The following SAMD7 variants were observed in gnomAD, a reference collection of about 807,000 sequenced individuals.
SAMD7 encodes the protein sterile alpha motif domain-containing protein 7.
SAMD7 carries 34 observed loss-of-function variants against 36.7 expected under a neutral mutation model. That is an observed-to-expected ratio of 0.93 (90% CI 0.71 to 1.23). The LOEUF (loss-of-function observed/expected upper bound fraction) is 1.23. Among genes scored for constraint, SAMD7 ranks in the 50% most tolerant of loss-of-function variants. The pLI, the probability that SAMD7 is intolerant of heterozygous loss-of-function variation, is 0.00. For missense variants in SAMD7, 570 were observed against 546.6 expected, an observed-to-expected ratio of 1.04 and a Z score of -0.43; for synonymous variants, 188 against 189.7, an observed-to-expected ratio of 0.99 and a Z score of 0.07.
chr3:169,924,517 G>C (rs1180654153), intron 4 of SAMD7, among the ~76,000 whole-genome samples: 1 of 152,230 alleles, frequency 6.6e-6, no homozygotes, highest in African/African-American at 2.4e-5. Flanking sequence ...AACCTGGGAG[G>C]TAGAGGTTGT....
chr3:169,931,098 T>C (rs1713473968), intron 7 of SAMD7, among the ~76,000 whole-genome samples: 1 of 152,170 alleles, frequency 6.6e-6, no homozygotes, highest in Admixed American at 6.5e-5. Flanking sequence ...CTCTTTTAAA[T>C]AGGTGTAGAG....
chr3:169,919,445 T>C lies in SAMD7; in HGVS notation c.-41-13T>C, dbSNP rs760720227. On this transcript the variant is annotated splice_polypyrimidine_tract_variant and intron_variant, in intron 2 of 8. Coordinates refer to ENST00000335556, the MANE Select transcript of SAMD7 (RefSeq NM_001304366.2). ...AGAGTTATTTGTTAAAGTGTCTATCTGGTTCTTTTTAGAACTCCATTAGTG... is the reference window on the plus strand; with the variant it reads ...AGAGTTATTTGTTAAAGTGTCTATCCGGTTCTTTTTAGAACTCCATTAGTG... 9.8e-6 allele frequency: 13 copies of C among 1,320,828 alleles called. No individual in the cohort carries two copies. Among genetic ancestry groups the C allele is most frequent in the Admixed American group, 1.7e-5 (1 of 59,588 alleles). 81.8% of individuals were successfully genotyped at this position (1,320,828 alleles called of 1,614,324 possible).
At chr3:169,932,514 T>C in intron 7 of SAMD7, 2 of 564,098 alleles carry the variant, frequency 3.5e-6, no homozygotes, top group South Asian at 3.0e-5. Flanking sequence ...GGCAGATCCG[T>C]TCATCTTCAG....
chr3:169,931,711 C>A (rs1713501127), intron 7 of SAMD7, among the ~76,000 whole-genome samples: 1 of 152,122 alleles, frequency 6.6e-6, no homozygotes, highest in South Asian at 2.1e-4. Context: ...GGACGGCTGG[C>A]TCAGCGCTGA....
At chr3:169,924,273 G>A (rs748193781) in intron 4 of SAMD7, among the ~76,000 whole-genome samples, 3 of 151,932 alleles carry the variant, frequency 2.0e-5, no homozygotes, top group Middle Eastern at 3.4e-3. Context: ...CACTTTACTT[G>A]CTTGGTGCAA....
intron 1 of SAMD7, 28 bp from the exon 2 acceptor site, chr3:169,915,339 A>G (rs1277765534): frequency 2.6e-5 from 4 of 152,072 alleles, no homozygotes; most frequent in Non-Finnish European, 5.9e-5. Flanking sequence ...CTCCCAAATA[A>G]ACTACTGTAC....
intron 2 of SAMD7, among the ~76,000 whole-genome samples, chr3:169,916,619 G>A (rs1712814167): frequency 6.6e-6 from 1 of 152,192 alleles, no homozygotes; most frequent in African/African-American, 2.4e-5. Context: ...TTGCACTCCA[G>A]CCTGGGCAAG....
At chr3:169,933,078 A>T in intron 7 of SAMD7, 1 of 906,314 alleles carries the variant, frequency 1.1e-6, no homozygotes, top group Non-Finnish European at 1.8e-6. Context: ...AAAATCTGCC[A>T]TGGCCCATGA....
At chr3:169,920,580 A>G (rs1713002587) in intron 3 of SAMD7, among the ~76,000 whole-genome samples, 1 of 152,190 alleles carries the variant, frequency 6.6e-6, no homozygotes, top group Non-Finnish European at 1.5e-5. Flanking sequence ...GGTACCCTGG[A>G]TTTCCCGTGA....
At chr3:169,930,541 A>G (rs1289881363) in intron 7 of SAMD7, among the ~76,000 whole-genome samples, 1 of 149,132 alleles carries the variant, frequency 6.7e-6, no homozygotes, top group Non-Finnish European at 1.5e-5. Context: ...ATGTCCCATC[A>G]GGTGTTACTC....
chr3:169,912,163 G>T (rs975941615), intron 1 of SAMD7, among the ~76,000 whole-genome samples: 2 of 152,078 alleles, frequency 1.3e-5, no homozygotes, highest in African/African-American at 4.8e-5. Context: ...TCAAACAGAT[G>T]AAGTACCTAC....
intron 4 of SAMD7, among the ~76,000 whole-genome samples, chr3:169,922,653 C>T (rs1040947418): frequency 2.0e-5 from 3 of 152,178 alleles, no homozygotes; most frequent in African/African-American, 7.2e-5. Flanking sequence ...GTGTGCGCCA[C>T]CACACCCGGC....
chr3:169,927,484 C>A (rs995575218), intron 6 of SAMD7, among the ~76,000 whole-genome samples: 1 of 151,530 alleles, frequency 6.6e-6, no homozygotes, highest in Non-Finnish European at 1.5e-5. Context: ...TTTATTAGAG[C>A]CGGGGTTTCA....
chr3:169,916,042 G>A (rs1226611374), intron 2 of SAMD7, among the ~76,000 whole-genome samples: 1 of 64,740 alleles, frequency 1.5e-5, no homozygotes, highest in Non-Finnish European at 2.8e-5. Flanking sequence ...AAGTTTTCTT[G>A]TGTCCCTTTG....
intron 1 of SAMD7, among the ~76,000 whole-genome samples, chr3:169,912,146 A>G (rs1357792747): frequency 6.6e-6 from 1 of 152,212 alleles, no homozygotes; most frequent in Non-Finnish European, 1.5e-5. Context: ...CTGTAGTTTT[A>G]TTATCTTCAA....
At chr3:169,913,281 A>G (rs939436982) in intron 1 of SAMD7, among the ~76,000 whole-genome samples, 1 of 152,216 alleles carries the variant, frequency 6.6e-6, no homozygotes, top group Non-Finnish European at 1.5e-5. Flanking sequence ...AGTCAAATAT[A>G]GGGTTTTCCA....
intron 8 of SAMD7, among the ~76,000 whole-genome samples, chr3:169,936,743 G>A (rs1193465417): frequency 6.6e-6 from 1 of 151,908 alleles, no homozygotes; most frequent in African/African-American, 2.4e-5. Flanking sequence ...CAATTTCTGT[G>A]GTGTAAATTA....
chr3:169,911,715 G>A lies in SAMD7; in HGVS notation c.-223G>A, dbSNP rs1559946016. 6.6e-6 allele frequency: 1 copy of A among 152,212 alleles called. No homozygotes were observed. Among genetic ancestry groups the A allele is most frequent in the South Asian group, 2.1e-4 (1 of 4,826 alleles). The allele number at this position is 152,212 out of a possible 1,614,324, so 9.4% of individuals were successfully genotyped here. A position where few individuals can be genotyped will look rare whatever the true frequency, so the allele number is the denominator to read the frequency against. The stretch of plus-strand genomic sequence containing the variant: ...ACCATTTTTGAAAGAATTGTCAGAT[G>A]TACCTTTCAACCCGCAGCCAGAGAA... On this transcript the variant is annotated 5_prime_UTR_variant, in exon 1 of 9. An upstream start codon of the reference 5' UTR is lost. Coordinates refer to ENST00000335556, the MANE Select transcript of SAMD7 (RefSeq NM_001304366.2).
In SAMD7 at chr3:169,935,147, C is replaced by T. The variant is rs1279323553; in HGVS notation, c.1042-1192C>T. 4.6e-5 allele frequency among the ~76,000 whole-genome samples: 7 copies of T among 152,258 alleles called. No homozygotes were observed. The South Asian group carries it at 8.3e-4, about 18-fold the overall frequency. Reference sequence around the variant, plus strand: ...ATTAGAACGTGAAAGCAGGGAGCATCGAAACCCTTTGGAGAAATCTAGCTG... The same window carrying T: ...ATTAGAACGTGAAAGCAGGGAGCATTGAAACCCTTTGGAGAAATCTAGCTG... On this transcript the variant is annotated intron_variant, in intron 7 of 8. Transcript: ENST00000335556.
Sources: allele counts gnomAD v4.1 joint callset (sites outside exome capture counted in the v4.1 genomes callset), GRCh38; gene constraint gnomAD v4.1.1; transcripts MANE v1.5; gene names NCBI Gene and HGNC (gene_info 2026-07-23, HGNC 2026-07-21).